HS1BP3: variants seen among roughly 807,000 people sequenced by gnomAD.
HS1BP3 encodes the protein HCLS1 binding protein 3.
Under a neutral mutation model 33.5 loss-of-function variants are expected in HS1BP3, and 32 were observed. The observed-to-expected ratio is 0.95, with a 90% confidence interval of 0.72 to 1.28. The LOEUF (loss-of-function observed/expected upper bound fraction) is 1.28, where lower values mean the gene tolerates loss of function less well. HS1BP3 is among the 50% of genes most tolerant of loss of function. HS1BP3 has a pLI of 0.00. For missense variants in HS1BP3, 486 were observed against 502.3 expected, an observed-to-expected ratio of 0.97 and a Z score of 0.31; for synonymous variants, 187 against 209.2, an observed-to-expected ratio of 0.89 and a Z score of 0.92.
At chr2:20,567,444 A>G (rs72782337) in intron 5 of HS1BP3, among the ~76,000 whole-genome samples, 7,916 of 152,260 alleles carry the variant, frequency 0.052, 221 homozygotes, top group Middle Eastern at 0.14. Context: ...GCCCGGCCCC[A>G]AGTATCCCAG....
intron 2 of HS1BP3, among the ~76,000 whole-genome samples, chr2:20,644,327 C>A (rs944300063): frequency 5.3e-5 from 8 of 152,194 alleles, no homozygotes; most frequent in African/African-American, 1.9e-4. Flanking sequence ...GAACCCCTGG[C>A]ATCCTCAGGA....
intron 5 of HS1BP3, among the ~76,000 whole-genome samples, chr2:20,572,886 CA>C (rs1693309022): frequency 6.6e-6 from 1 of 152,174 alleles, no homozygotes; most frequent in South Asian, 2.1e-4. Flanking sequence ...TGCCAAGCCC[CA>C]TGGGAGCAGA....
downstream of HS1BP3, among the ~76,000 whole-genome samples, chr2:20,556,184 A>T (rs1692836937): frequency 6.6e-6 from 1 of 152,180 alleles, no homozygotes; most frequent in African/African-American, 2.4e-5. Context: ...GGCAGTTTCT[A>T]TTGACTTCCT....
chr2:20,597,878 T>C (rs1484001890), intron 3 of HS1BP3, among the ~76,000 whole-genome samples: 1 of 152,150 alleles, frequency 6.6e-6, no homozygotes. Flanking sequence ...TGATCCTTTC[T>C]GGGCTGTGAT....
At chr2:20,627,509 C>G (rs757400138) in intron 4 of HS1BP3, among the ~76,000 whole-genome samples, 22 of 152,210 alleles carry the variant, frequency 1.4e-4, no homozygotes, top group Non-Finnish European at 2.4e-4. Flanking sequence ...ACGCCTGCAC[C>G]TGGTCTGGAC....
downstream of HS1BP3, among the ~76,000 whole-genome samples, chr2:20,617,654 G>A (rs1345743419): frequency 6.6e-6 from 1 of 152,072 alleles, no homozygotes; most frequent in Non-Finnish European, 1.5e-5. Flanking sequence ...TATCAGAAAA[G>A]GGTCTGAGGT....
At chr2:20,612,768 G>A (rs1228613215) in intron 2 of HS1BP3, among the ~76,000 whole-genome samples, 4 of 152,142 alleles carry the variant, frequency 2.6e-5, no homozygotes, top group Non-Finnish European at 5.9e-5. Flanking sequence ...AAGCTGCTAT[G>A]AACATCTGTG....
chr2:20,591,576 T>C (rs570035311), downstream of HS1BP3, among the ~76,000 whole-genome samples: 2 of 151,874 alleles, frequency 1.3e-5, no homozygotes, highest in South Asian at 2.1e-4. Context: ...ACCATTGTGT[T>C]TGTTTGTTTT....
intron 5 of HS1BP3, among the ~76,000 whole-genome samples, chr2:20,567,922 A>C (rs915547636): frequency 1.3e-5 from 2 of 152,086 alleles, no homozygotes; most frequent in Non-Finnish European, 2.9e-5. Context: ...CCGAGGGGGA[A>C]CTCAACGTCC....
chr2:20,579,166 G>A lies in HS1BP3; in HGVS notation c.303-18651C>T, dbSNP rs142475390. On this transcript the variant is annotated intron_variant, in intron 5 of 5. Transcript: ENST00000446825. ...CTGAGGCTGGGCGGCCACCAGACAC[G>A]TGCTGTGTCCAGAGAGAACAAAGCG... 1.8e-3 allele frequency among the ~76,000 whole-genome samples: 275 copies of A among 152,372 alleles called. 1 individual carries two copies. Among genetic ancestry groups the A allele is most frequent in the African/African-American group, 6.4e-3 (268 of 41,588 alleles).
At chr2:20,613,317 C>A (rs1281805536), downstream of HS1BP3, among the ~76,000 whole-genome samples, 1 of 152,258 alleles carries the variant, frequency 6.6e-6, no homozygotes, top group African/African-American at 2.4e-5. Flanking sequence ...AGCTCCCATG[C>A]TCCGGAAGCC....
the HS1BP3 span, among the ~76,000 whole-genome samples, chr2:20,554,102 A>G: frequency 1.1e-4 from 17 of 152,182 alleles, no homozygotes. Context: ...AAGAACTCTG[A>G]GCTTAGGACT....
At chr2:20,588,096 G>A (rs1433791068), downstream of HS1BP3, among the ~76,000 whole-genome samples, 1 of 150,868 alleles carries the variant, frequency 6.6e-6, no homozygotes, top group African/African-American at 2.4e-5. Flanking sequence ...TGGTCACCAA[G>A]GGAAGTGGAC....
chr2:20,630,703 G>C (rs1415947431), intron 4 of HS1BP3, among the ~76,000 whole-genome samples: 2 of 152,224 alleles, frequency 1.3e-5, no homozygotes, highest in African/African-American at 4.8e-5. Flanking sequence ...ATCACCTGAG[G>C]ACAGGCACTA....
intron 1 of HS1BP3, among the ~76,000 whole-genome samples, chr2:20,647,539 C>T (rs1003755077): frequency 6.6e-6 from 1 of 152,166 alleles, no homozygotes; most frequent in Admixed American, 6.5e-5. Flanking sequence ...GGATCAGCAT[C>T]GCCTGGGAAC....
In HS1BP3 at chr2:20,578,306, C is replaced by T. The variant is rs184419578; in HGVS notation, c.303-17791G>A. On this transcript the variant is annotated intron_variant, in intron 5 of 5. Transcript: ENST00000446825. ...GGGATGCAGTCTTCATAGGAGGGGA[C>T]TTGGTCTCCATGGTTTTCAGGGCAG... 1.8e-3 allele frequency among the ~76,000 whole-genome samples: 278 copies of T among 152,304 alleles called. 4 individuals are homozygous for T. Among genetic ancestry groups the T allele is most frequent in the Admixed American group, 0.017 (258 of 15,298 alleles).
At chr2:20,622,509 G>A (rs942219699) in intron 6 of HS1BP3, 10 of 364,028 alleles carry the variant, frequency 2.7e-5, no homozygotes, top group East Asian at 2.2e-4. Flanking sequence ...GTGCTGGCCC[G>A]CGCACTACGA....
At chr2:20,650,967 C>A (rs1355573927) in intron 1 of HS1BP3, 65 bp downstream of exon 1, 1 of 1,214,408 alleles carries the variant, frequency 8.2e-7, no homozygotes, top group Admixed American at 4.2e-5. Flanking sequence ...GGCCTCCCCC[C>A]GCCTCTCCGC....
intron 5 of HS1BP3, among the ~76,000 whole-genome samples, chr2:20,570,336 A>C (rs554594692): frequency 6.6e-6 from 1 of 152,208 alleles, no homozygotes; most frequent in African/African-American, 2.4e-5. Flanking sequence ...TCTGGCCTTC[A>C]AATGATCGCC....
Sources: gnomAD v4.1 joint callset for allele counts (sites outside exome capture counted in the v4.1 genomes callset) on GRCh38, gnomAD v4.1.1 for gene constraint, MANE v1.5 for transcripts, NCBI Gene and HGNC (gene_info 2026-07-23, HGNC 2026-07-21) for gene names.